SPOCK1: variants seen among roughly 807,000 people sequenced by gnomAD.
The protein encoded by SPOCK1 is testican-1.
Under a neutral mutation model 55.3 loss-of-function variants are expected in SPOCK1, and 23 were observed. The observed-to-expected ratio is 0.42, with a 90% CI of 0.30 to 0.59. The LOEUF (loss-of-function observed/expected upper bound fraction) is 0.59. SPOCK1 is among the 20% of genes least tolerant of loss of function. The pLI, the probability that SPOCK1 is intolerant of heterozygous loss-of-function variation, is 0.22. For missense variants in SPOCK1, 499 were observed against 552.5 expected, an observed-to-expected ratio of 0.90 and a Z score of 0.97; for synonymous variants, 226 against 221.0, an observed-to-expected ratio of 1.02 and a Z score of -0.20.
At chr5:137,094,722 C>A (rs904884757) in intron 5 of SPOCK1, among the ~76,000 whole-genome samples, 4 of 152,154 alleles carry the variant, frequency 2.6e-5, no homozygotes, top group African/African-American at 9.7e-5. Flanking sequence ...GAAAATAAGA[C>A]AATAAAGTTT....
intron 3 of SPOCK1, among the ~76,000 whole-genome samples, chr5:137,145,537 C>T (rs1280301704): frequency 6.6e-6 from 1 of 152,160 alleles, no homozygotes; most frequent in East Asian, 1.9e-4. Context: ...TGTGGGGTGG[C>T]CCAAAGGGTT....
intron 2 of SPOCK1, among the ~76,000 whole-genome samples, chr5:137,382,774 G>A (rs896823283): frequency 2.0e-5 from 3 of 152,126 alleles, no homozygotes. Flanking sequence ...TGAGATTTCG[G>A]AGGGGACACA....
At chr5:137,311,628 G>A (rs1757791111) in intron 2 of SPOCK1, among the ~76,000 whole-genome samples, 2 of 152,128 alleles carry the variant, frequency 1.3e-5, no homozygotes, top group African/African-American at 4.8e-5. Flanking sequence ...ATAAGCACAT[G>A]TGTACACTTT....
chr5:137,306,996 G>A (rs760176696), intron 2 of SPOCK1, among the ~76,000 whole-genome samples: 2 of 152,086 alleles, frequency 1.3e-5, no homozygotes. Context: ...AGAACCCTCC[G>A]GTAGGCCCAT....
chr5:137,193,208 A>G (rs1755220031), intron 3 of SPOCK1, among the ~76,000 whole-genome samples: 1 of 152,148 alleles, frequency 6.6e-6, no homozygotes, highest in Non-Finnish European at 1.5e-5. Flanking sequence ...ATGTTAAACT[A>G]GGAGATCCTA....
chr5:137,205,767 C>A (rs893895994), intron 3 of SPOCK1, among the ~76,000 whole-genome samples: 2 of 152,164 alleles, frequency 1.3e-5, no homozygotes, highest in Non-Finnish European at 2.9e-5. Context: ...GAGCTGGTCA[C>A]TGGGGAGAGA....
At chr5:137,276,482 G>A (rs969613987) in intron 2 of SPOCK1, among the ~76,000 whole-genome samples, 27 of 152,220 alleles carry the variant, frequency 1.8e-4, no homozygotes, top group African/African-American at 6.5e-4. Context: ...CAGCCACACA[G>A]ACGGCAGTCC....
intron 3 of SPOCK1, among the ~76,000 whole-genome samples, chr5:137,154,816 C>A (rs530882402): frequency 1.6e-4 from 25 of 152,318 alleles, no homozygotes; most frequent in Non-Finnish European, 2.8e-4. Context: ...GAAACCAGAT[C>A]ACCAACTTCC....
chr5:137,129,919 C>T (rs1428547379), intron 4 of SPOCK1, among the ~76,000 whole-genome samples: 1 of 152,178 alleles, frequency 6.6e-6, no homozygotes, highest in Non-Finnish European at 1.5e-5. Flanking sequence ...TCATTAGACT[C>T]ACAAAGGTGG....
rs1754341087 is a variant in SPOCK1 at position 137,498,266 on chromosome 5, C to A, written c.186+107G>T. 3 of 796,384 alleles carry A rather than the reference C, an allele frequency of 3.8e-6. No homozygotes were observed. In the South Asian group the frequency reaches 1.5e-4, roughly 41 times the overall value. 49.3% of individuals were successfully genotyped at this position (796,384 alleles called of 1,614,324 possible). On this transcript the variant is annotated intron_variant, in intron 2 of 10. Coordinates refer to ENST00000394945, the MANE Select transcript of SPOCK1 (RefSeq NM_004598.4). ...AGATGCCCACCTGTCCCCCTCCCAA[C>A]CACACACACACACACACACACACAC...
intron 2 of SPOCK1, among the ~76,000 whole-genome samples, chr5:137,315,880 C>T (rs568392223): frequency 1.3e-5 from 2 of 152,260 alleles, no homozygotes; most frequent in African/African-American, 4.8e-5. Context: ...TCAGTAGGTC[C>T]TAGGGGAGTT....
At chr5:137,483,168 A>T (rs564931576) in intron 2 of SPOCK1, among the ~76,000 whole-genome samples, 282 of 152,286 alleles carry the variant, frequency 1.9e-3, no homozygotes, top group African/African-American at 6.4e-3. Context: ...CTCTGTCTCC[A>T]CTACAAATAC....
intron 2 of SPOCK1, among the ~76,000 whole-genome samples, chr5:137,320,779 A>G (rs1004511756): frequency 6.6e-6 from 1 of 152,190 alleles, no homozygotes; most frequent in Non-Finnish European, 1.5e-5. Context: ...GTCTTTCCCT[A>G]TAAGAAAAAC....
chr5:137,154,286 T>TC (rs1338090400), intron 3 of SPOCK1, among the ~76,000 whole-genome samples: 1 of 151,438 alleles, frequency 6.6e-6, no homozygotes, highest in Non-Finnish European at 1.5e-5. Flanking sequence ...AAACTCCATC[T>TC]CAAAAAAAAA....
At chr5:137,402,610 C>T (rs1257903090) in intron 2 of SPOCK1, among the ~76,000 whole-genome samples, 1 of 152,150 alleles carries the variant, frequency 6.6e-6, no homozygotes, top group East Asian at 1.9e-4. Context: ...AAAGCAGCCC[C>T]CGGGGGTTAG....
At chr5:137,149,826 G>A (rs1050639327) in intron 3 of SPOCK1, among the ~76,000 whole-genome samples, 1 of 152,188 alleles carries the variant, frequency 6.6e-6, no homozygotes, top group African/African-American at 2.4e-5. Context: ...TCGGAGAGAT[G>A]TAAGTTTGAG....
intron 2 of SPOCK1, among the ~76,000 whole-genome samples, chr5:137,364,137 T>G (rs1751007613): frequency 6.6e-6 from 1 of 151,918 alleles, no homozygotes; most frequent in African/African-American, 2.4e-5. Flanking sequence ...CATGGGGGAG[T>G]GAATACCCAG....
chr5:137,112,989 G>A (rs2074587), intron 4 of SPOCK1, among the ~76,000 whole-genome samples: 27,827 of 152,092 alleles, frequency 0.18, 2,905 homozygotes, highest in East Asian at 0.39. Context: ...GAGGACGCAC[G>A]GGCAACTCAA....
intron 5 of SPOCK1, among the ~76,000 whole-genome samples, chr5:137,084,975 A>G (rs1580742522): frequency 6.7e-6 from 1 of 150,202 alleles, no homozygotes; most frequent in East Asian, 2.0e-4. Flanking sequence ...AAAAAAAAGA[A>G]TTGCACCATC....
Sources: allele counts gnomAD v4.1 joint callset (sites outside exome capture counted in the v4.1 genomes callset), GRCh38; gene constraint gnomAD v4.1.1; transcripts MANE v1.5; gene names NCBI Gene and HGNC (gene_info 2026-07-23, HGNC 2026-07-21).